IMMP2L: variants seen among roughly 807,000 people sequenced by gnomAD.
IMMP2L encodes the protein inner mitochondrial membrane peptidase subunit 2, also known as mitochondrial inner membrane protease subunit 2.
IMMP2L carries 18 observed loss-of-function variants against 19.3 expected under a neutral mutation model. That is an observed-to-expected ratio of 0.93 (90% CI 0.64 to 1.38). The LOEUF is 1.38. Ranked by LOEUF, IMMP2L falls within the 40% of genes most tolerant of loss-of-function variation. The probability of loss-of-function intolerance (pLI) is 0.00; values close to 1 mark genes in which losing one functional copy is unlikely to be tolerated. For missense variants in IMMP2L, 233 were observed against 218.2 expected (o/e 1.07, Z -0.43); for synonymous variants, 76 against 73.0 (o/e 1.04, Z -0.21).
At chr7:111,127,806 C>T (rs548973204) in intron 3 of IMMP2L, among the ~76,000 whole-genome samples, 43 of 152,068 alleles carry the variant, frequency 2.8e-4, no homozygotes, top group African/African-American at 1.0e-3. Flanking sequence ...GAGAAAAACA[C>T]CTTGGCACAA....
At position 111,412,352 on chromosome 7, in the gene IMMP2L, A is replaced by T. The variant is rs968940928; in HGVS notation, c.239+74886T>A. Among the ~76,000 whole-genome samples the T allele has an allele frequency of 4.0e-5, 6 of 151,762 alleles. 1 individual carries two copies. Among genetic ancestry groups the T allele is most frequent in the Non-Finnish European group, 7.4e-5 (5 of 68,008 alleles). ...AGAACACTCACCCAACAATAGCAGA[A>T]TACACATAATTTGCTAATGCACGTA... On this transcript the variant is annotated intron_variant, in intron 3 of 5. Coordinates refer to ENST00000405709, the MANE Select transcript of IMMP2L (RefSeq NM_032549.4).
chr7:111,184,884 A>G (rs1808098918), intron 3 of IMMP2L, among the ~76,000 whole-genome samples: 1 of 152,158 alleles, frequency 6.6e-6, no homozygotes, highest in African/African-American at 2.4e-5. Context: ...GCACAACAGT[A>G]TTTGTATGAA....
At chr7:111,399,499 C>T (rs139594975) in intron 3 of IMMP2L, among the ~76,000 whole-genome samples, 2 of 152,122 alleles carry the variant, frequency 1.3e-5, no homozygotes, top group African/African-American at 4.8e-5. Context: ...GGATTACAGG[C>T]ATGCACCACC....
chr7:111,429,631 GTAAACAATT>G (rs1836432299), intron 3 of IMMP2L, among the ~76,000 whole-genome samples: 1 of 151,742 alleles, frequency 6.6e-6, no homozygotes, highest in African/African-American at 2.4e-5. Flanking sequence ...GAAGAATTAA[GTAAACAATT>G]TAAAGATTCA....
rs1554445739 is a variant in IMMP2L, at chr7:110,882,329, C to CTTCCTTCCTTCCTTCCTTCCTTCCTTCCT, written c.408+4263_408+4264insAGGAAGGAAGGAAGGAAGGAAGGAAGGAA. 2.7e-4 allele frequency among the ~76,000 whole-genome samples: 35 copies of CTTCCTTCCTTCCTTCCTTCCTTCCTTCCT among 127,706 alleles called. 1 individual carries two copies. The South Asian group carries it at 5.5e-3, about 20-fold the overall frequency. 83.8% of individuals were successfully genotyped at this position (127,706 alleles called of 152,430 possible). ...CCTTCCTTCCTTCCTTCCTTCCTTC[C>CTTCCTTCCTTCCTTCCTTCCTTCCTTCCT]TTCCTTCCTTCCCTCCTTCCTCTCT... is the stretch of plus-strand genomic sequence containing the variant. On this transcript the variant is annotated intron_variant, in intron 5 of 5. Transcript: ENST00000405709.
At chr7:110,993,667 C>T (rs1563142050) in intron 3 of IMMP2L, among the ~76,000 whole-genome samples, 1 of 152,054 alleles carries the variant, frequency 6.6e-6, no homozygotes, top group Admixed American at 6.6e-5. Flanking sequence ...CTCCGACAGT[C>T]TGACTTTCTG....
At chr7:111,544,928 C>T (rs568736753) in intron 1 of IMMP2L, among the ~76,000 whole-genome samples, 1 of 151,522 alleles carries the variant, frequency 6.6e-6, no homozygotes, top group African/African-American at 2.4e-5. Context: ...AAAAGTGAGA[C>T]AAAGTAGAAA....
At position 110,890,642 on chromosome 7, in the gene IMMP2L, A is replaced by G. The variant is rs535692682; in HGVS notation, c.306-3947T>C. On this transcript the variant is annotated intron_variant, in intron 4 of 5. Transcript: ENST00000405709. ...AAGATAATCTTTTAGGTGATTTAACAGTTAAGTGAGGTGTCAGCCTACAAG... is the reference window on the plus strand; with the variant it reads ...AAGATAATCTTTTAGGTGATTTAACGGTTAAGTGAGGTGTCAGCCTACAAG... Among the ~76,000 whole-genome samples the G allele has an allele frequency of 1.0e-3, 158 of 152,330 alleles. 1 individual carries two copies. The highest frequency in any genetic ancestry group is 1.8e-3 in the Non-Finnish European group (124 of 68,012).
intron 3 of IMMP2L, among the ~76,000 whole-genome samples, chr7:111,024,214 T>C (rs1424655476): frequency 6.6e-6 from 1 of 152,218 alleles, no homozygotes; most frequent in Non-Finnish European, 1.5e-5. Flanking sequence ...AGCTATAATA[T>C]GAAATAAATA....
rs1813394190 is a variant in IMMP2L at position 110,914,593 on chromosome 7, A to G, written c.306-27898T>C. On this transcript the variant is annotated intron_variant, in intron 4 of 5. Transcript: ENST00000405709. ...CCCATAAACTTTTCAAAAAGCACCA[A>G]TGATTTCATCATTCTTCTACCCAAG... is the stretch of plus-strand genomic sequence containing the variant. Among the ~76,000 whole-genome samples the G allele has an allele frequency of 2.0e-5, 3 of 152,134 alleles. No individual in the cohort carries two copies. In the South Asian group the frequency reaches 6.2e-4, roughly 32 times the overall value.
At chr7:110,676,452 C>T (rs1487826343) in intron 5 of IMMP2L, among the ~76,000 whole-genome samples, 3 of 152,250 alleles carry the variant, frequency 2.0e-5, no homozygotes, top group Non-Finnish European at 4.4e-5. Flanking sequence ...TATAATGTCT[C>T]TGATTGGACA....
chr7:111,020,462 C>T (rs1826168437), intron 3 of IMMP2L, among the ~76,000 whole-genome samples: 2 of 151,328 alleles, frequency 1.3e-5, no homozygotes, highest in Admixed American at 1.3e-4. Context: ...GTATATTGCA[C>T]ATTAAATTGG....
At chr7:110,716,390 G>A (rs1795237368) in intron 5 of IMMP2L, among the ~76,000 whole-genome samples, 4 of 152,084 alleles carry the variant, frequency 2.6e-5, no homozygotes, top group South Asian at 2.1e-4. Flanking sequence ...TGCTTTATAG[G>A]GTCTGAGGGC....
At chr7:110,926,228 T>A (rs1814836118) in intron 4 of IMMP2L, among the ~76,000 whole-genome samples, 1 of 152,094 alleles carries the variant, frequency 6.6e-6, no homozygotes, top group Admixed American at 6.6e-5. Flanking sequence ...CCTTTATCCC[T>A]ATTTATAAAG....
At chr7:110,742,127 A>C (rs1797028460) in intron 5 of IMMP2L, among the ~76,000 whole-genome samples, 1 of 152,232 alleles carries the variant, frequency 6.6e-6, no homozygotes, top group South Asian at 2.1e-4. Context: ...TATAAAATAA[A>C]AACATGAAAA....
rs1275742579 is a variant in IMMP2L, at chr7:111,018,655, G to A, written c.240-55090C>T. On this transcript the variant is annotated intron_variant, in intron 3 of 5. Transcript: ENST00000405709. ...GCTAACAGAATTGTTCCCATTTCTCGTATAAAGAAACTGAGGCTCAGAGTT... is the reference window on the plus strand; with the variant it reads ...GCTAACAGAATTGTTCCCATTTCTCATATAAAGAAACTGAGGCTCAGAGTT... Among the ~76,000 whole-genome samples the A allele has an allele frequency of 4.0e-5, 6 of 151,872 alleles. No individual in the cohort carries two copies. In the East Asian group the frequency reaches 5.8e-4, roughly 15 times the overall value.
At chr7:111,555,487 T>A (rs1371163947) in intron 1 of IMMP2L, among the ~76,000 whole-genome samples, 4 of 152,002 alleles carry the variant, frequency 2.6e-5, no homozygotes, top group Non-Finnish European at 5.9e-5. Context: ...AAGCAAGGAA[T>A]CAGGCAACTG....
Position 111,418,427 on chromosome 7 carries a change from CATT to C in IMMP2L, c.239+68808_239+68810del, listed in dbSNP as rs368113294. 3.5e-3 allele frequency among the ~76,000 whole-genome samples: 533 copies of C among 151,850 alleles called. 16 individuals are homozygous for C. The highest frequency in any genetic ancestry group is 0.012 in the African/African-American group (515 of 41,218). ...TGCAATATCAATAACCCAGTCACATCATTGTCACTGAATTCTAGGATTTAAAAG... is the reference window on the plus strand; with the variant it reads ...TGCAATATCAATAACCCAGTCACATCGTCACTGAATTCTAGGATTTAAAAG... On this transcript the variant is annotated intron_variant, in intron 3 of 5. Transcript: ENST00000405709.
intron 3 of IMMP2L, among the ~76,000 whole-genome samples, chr7:111,221,577 G>C (rs915610828): frequency 1.3e-5 from 2 of 151,960 alleles, no homozygotes; most frequent in African/African-American, 2.4e-5. Context: ...ACGGTACACA[G>C]GGGAAAATGT....
Sources: allele counts gnomAD v4.1 joint callset (sites outside exome capture counted in the v4.1 genomes callset), GRCh38; gene constraint gnomAD v4.1.1; transcripts MANE v1.5; gene names NCBI Gene and HGNC (gene_info 2026-07-23, HGNC 2026-07-21).